Variants in UCHL3 observed in about 807,000 individuals in gnomAD.
UCHL3 encodes the protein ubiquitin carboxyl-terminal hydrolase isozyme L3.
A neutral mutation model predicts 35.8 loss-of-function variants in UCHL3; 22 were observed. That is an observed-to-expected ratio of 0.61 (90% CI 0.44 to 0.88). The LOEUF (loss-of-function observed/expected upper bound fraction) is 0.88, where lower values mean the gene tolerates loss of function less well. Among genes scored for constraint, UCHL3 ranks in the 40% least tolerant of loss-of-function variants. The probability of loss-of-function intolerance (pLI) is 0.00; values close to 1 mark genes in which losing one functional copy is unlikely to be tolerated. For missense variants in UCHL3, 229 were observed against 276.9 expected, an observed-to-expected ratio of 0.83 and a Z score of 1.23; for synonymous variants, 90 against 92.8, an observed-to-expected ratio of 0.97 and a Z score of 0.17.
chr13:75,585,323 A>C (rs552583324), intron 6 of UCHL3, among the ~76,000 whole-genome samples: 76 of 152,328 alleles, frequency 5.0e-4, no homozygotes, highest in African/African-American at 1.7e-3. Context: ...TGAAAAAGAC[A>C]GAGTAGATAC....
At chr13:75,574,150 G>A (rs1479056997) in intron 6 of UCHL3, among the ~76,000 whole-genome samples, 1 of 151,908 alleles carries the variant, frequency 6.6e-6, no homozygotes, top group African/African-American at 2.4e-5. Flanking sequence ...CCTGGGAGGC[G>A]GAGCTTGCAG....
intron 6 of UCHL3, among the ~76,000 whole-genome samples, chr13:75,592,924 A>T (rs1566228479): frequency 6.6e-6 from 1 of 152,156 alleles, no homozygotes; most frequent in East Asian, 1.9e-4. Context: ...AAGTACTTTC[A>T]TGCAGCTCAT....
At chr13:75,560,651 A>G (rs1180385595) in intron 2 of UCHL3, 102 bp from the exon 3 acceptor site, 8 of 1,109,604 alleles carry the variant, frequency 7.2e-6, no homozygotes, top group East Asian at 2.7e-5. Flanking sequence ...TACAGAGTAC[A>G]TATTTGTTGA....
rs903572751 is a variant in UCHL3 at position 75,566,779 on chromosome 13, A to G, written c.268A>G (p.Thr90Ala). 18 of 1,611,832 alleles carry G rather than the reference A, an allele frequency of 1.1e-5. No individual in the cohort carries two copies. The highest frequency in any genetic ancestry group is 1.5e-5 in the Non-Finnish European group (18 of 1,179,326). The change falls in exon 4 of 9, where the codon ACA becomes GCA. Residue 90 changes from threonine to alanine, a missense_variant. Physicochemically the swap from Thr to Ala is moderately conservative, Grantham distance 58. Coordinates refer to ENST00000377595, the MANE Select transcript of UCHL3 (RefSeq NM_006002.5). ...VTSSVYFMKQ[T>A]ISNACGTIGL... Reference sequence around the variant, plus strand: ...ATCATCAGTATATTTCATGAAGCAAACAATCAGCAATGCCTGTGGAACAAT... The same window carrying G: ...ATCATCAGTATATTTCATGAAGCAAGCAATCAGCAATGCCTGTGGAACAAT...
chr13:75,551,169 C>G (rs558478435), intron 2 of UCHL3, among the ~76,000 whole-genome samples: 10 of 152,262 alleles, frequency 6.6e-5, no homozygotes, highest in African/African-American at 2.4e-4. Context: ...GTGGCTCACG[C>G]CTGTAATCCT....
At chr13:75,594,893 C>G in intron 6 of UCHL3, 22 bp from the exon 7 acceptor site, 3 of 1,582,840 alleles carry the variant, frequency 1.9e-6, no homozygotes, top group Non-Finnish European at 2.6e-6. Flanking sequence ...TATATAATAC[C>G]TATTTTTCCC....
At chr13:75,599,211 T>C (rs1275043593) in intron 7 of UCHL3, among the ~76,000 whole-genome samples, 1 of 151,026 alleles carries the variant, frequency 6.6e-6, no homozygotes, top group African/African-American at 2.4e-5. Flanking sequence ...GCTCAATTGA[T>C]CCTCCTGCTT....
intron 6 of UCHL3, among the ~76,000 whole-genome samples, chr13:75,584,983 T>C (rs1369527635): frequency 6.6e-6 from 1 of 151,132 alleles, no homozygotes; most frequent in Non-Finnish European, 1.5e-5. Flanking sequence ...ATCCAACAGC[T>C]GTGGGACAAT....
At chr13:75,602,999 AT>A (rs375018323) in intron 7 of UCHL3, among the ~76,000 whole-genome samples, 4,469 of 152,038 alleles carry the variant, frequency 0.029, 84 homozygotes, top group African/African-American at 0.042. Context: ...TTATTATTTT[AT>A]TTTTTTAGAG....
At chr13:75,557,280 G>A (rs545482425) in intron 2 of UCHL3, among the ~76,000 whole-genome samples, 1 of 151,830 alleles carries the variant, frequency 6.6e-6, no homozygotes, top group East Asian at 1.9e-4. Flanking sequence ...AGTGGGTACT[G>A]CTCCTAGCTC....
intron 2 of UCHL3, among the ~76,000 whole-genome samples, chr13:75,555,402 C>A (rs1158935555): frequency 1.3e-5 from 2 of 152,196 alleles, no homozygotes; most frequent in Admixed American, 6.5e-5. Context: ...AATATAAGTT[C>A]TGTGAGAGCA....
chr13:75,563,692 A>G (rs1476212668), intron 3 of UCHL3, among the ~76,000 whole-genome samples: 1 of 152,130 alleles, frequency 6.6e-6, no homozygotes, highest in Non-Finnish European at 1.5e-5. Flanking sequence ...TTAGTCTTCT[A>G]CTTGTTTTTC....
At chr13:75,553,856 A>G (rs570816102) in intron 2 of UCHL3, among the ~76,000 whole-genome samples, 16 of 152,096 alleles carry the variant, frequency 1.1e-4, no homozygotes, top group Non-Finnish European at 2.2e-4. Context: ...TTTCTTCCCC[A>G]TCTTCCAAGG....
chr13:75,581,074 C>T lies in UCHL3; in HGVS notation c.474+11567C>T, dbSNP rs534033580. 7.2e-5 allele frequency among the ~76,000 whole-genome samples: 11 copies of T among 152,022 alleles called. No individual in the cohort carries two copies. In the East Asian group the frequency reaches 1.5e-3, roughly 21 times the overall value. Reference sequence around the variant, plus strand: ...CACTAGATTTTTTTTTCCTATTAACCGGAAATCTTACCCATAAACCAGCCA... The same window carrying T: ...CACTAGATTTTTTTTTCCTATTAACTGGAAATCTTACCCATAAACCAGCCA... On this transcript the variant is annotated intron_variant, in intron 6 of 8. Transcript: ENST00000377595.
chr13:75,569,377 T>C, intron 5 of UCHL3, 83 bp from the exon 6 acceptor site: 3 of 1,010,290 alleles, frequency 3.0e-6, no homozygotes, highest in East Asian at 4.9e-5. Context: ...AGACTTTAGG[T>C]GTTAAAATTT....
chr13:75,562,362 C>G (rs2031546004), intron 3 of UCHL3, among the ~76,000 whole-genome samples: 1 of 151,946 alleles, frequency 6.6e-6, no homozygotes, highest in Non-Finnish European at 1.5e-5. Context: ...TAGTATTAGA[C>G]CAAACCCCTA....
At chr13:75,604,657 A>C (rs553397027) in intron 7 of UCHL3, 112 bp from the exon 8 acceptor site, 2 of 694,888 alleles carry the variant, frequency 2.9e-6, no homozygotes, top group Admixed American at 6.8e-5. Flanking sequence ...TATATTATTG[A>C]AAATGGCTTT....
chr13:75,550,005 C>T lies in UCHL3; in HGVS notation c.54+18C>T, dbSNP rs755099536. 5 of 1,614,120 alleles carry T rather than the reference C, an allele frequency of 3.1e-6. No individual in the cohort carries two copies. The Admixed American group carries it at 6.7e-5, about 22-fold the overall frequency. On this transcript the variant is annotated intron_variant, in intron 2 of 8. Transcript: ENST00000377595. ...CCAACCAGGTGAGTGAGGTGTCTGT[C>T]GCTCGGGACCTCGGAGTCTTTTCTG... is the stretch of plus-strand genomic sequence containing the variant.
chr13:75,552,991 T>C (rs979336894), intron 2 of UCHL3, among the ~76,000 whole-genome samples: 1 of 152,176 alleles, frequency 6.6e-6, no homozygotes, highest in African/African-American at 2.4e-5. Flanking sequence ...GGAGGCAAAA[T>C]ATTTTCTAGC....
Sources: gnomAD v4.1 joint callset for allele counts (sites outside exome capture counted in the v4.1 genomes callset) on GRCh38, gnomAD v4.1.1 for gene constraint, MANE v1.5 for transcripts, NCBI Gene and HGNC (gene_info 2026-07-23, HGNC 2026-07-21) for gene names.